The following ANXA4 variants were observed in gnomAD, a reference collection of about 807,000 sequenced individuals.
ANXA4 encodes the protein annexin A4, also known as 35-beta calcimedin.
Under a neutral mutation model 49.8 loss-of-function variants are expected in ANXA4, and 39 were observed. The observed-to-expected ratio is 0.78, with a 90% CI of 0.61 to 1.02. ANXA4 has a LOEUF of 1.02. ANXA4 is among the 50% of genes least tolerant of loss of function. ANXA4 has a pLI of 0.00. For missense variants in ANXA4, 360 were observed against 410.1 expected, an observed-to-expected ratio of 0.88 and a Z score of 1.05; for synonymous variants, 134 against 152.5, an observed-to-expected ratio of 0.88 and a Z score of 0.89.
At position 69,772,542 on chromosome 2, in the gene ANXA4, G is replaced by T. The variant is rs56203617; in HGVS notation, c.-46-8978G>T. On this transcript the variant is annotated intron_variant, in intron 1 of 12. Transcript: ENST00000394295. Reference sequence around the variant, plus strand: ...GAGAGGCTGTAGCAATTGTGTTTTGGGGGGTGCATTTCTTTCCTCTTTCTG... The same window carrying T: ...GAGAGGCTGTAGCAATTGTGTTTTGTGGGGTGCATTTCTTTCCTCTTTCTG... Among the ~76,000 whole-genome samples the T allele has an allele frequency of 6.7e-3, 1,024 of 151,794 alleles. 14 individuals are homozygous for T. Among genetic ancestry groups the T allele is most frequent in the African/African-American group, 0.024 (976 of 41,284 alleles).
At chr2:69,647,088 C>T (rs556878223) in intron 1 of ANXA4, among the ~76,000 whole-genome samples, 16 of 152,328 alleles carry the variant, frequency 1.1e-4, no homozygotes, top group Non-Finnish European at 1.8e-4. Context: ...TGCTGCCCCC[C>T]GCTTTGTGAA....
Position 69,820,789 on chromosome 2 carries a change from C to T in ANXA4, c.874C>T (p.Leu292Phe). 3 of 1,614,052 alleles carry T rather than the reference C, an allele frequency of 1.9e-6. No individual in the cohort carries two copies. The highest frequency in any genetic ancestry group is 2.5e-6 in the Non-Finnish European group (3 of 1,179,958). ...GGATATCCGGGCACACTTCAAGAGA[C>T]TCTATGGAAAGTCTCTGTACTCGTT... ...MLDIRAHFKRLYGKSLYSFIK... is the reference protein window; with the variant it reads ...MLDIRAHFKRFYGKSLYSFIK... The change falls in exon 12 of 13, where the codon CTC (leucine) becomes TTC (phenylalanine). Residue 292 changes from leucine (L) to phenylalanine (F), a missense_variant. Physicochemically the swap from Leu to Phe is conservative, Grantham distance 22. Coordinates refer to ENST00000394295, the MANE Select transcript of ANXA4 (RefSeq NM_001153.5).
At chr2:69,719,605 A>C (rs1185182868) in intron 2 of ANXA4, among the ~76,000 whole-genome samples, 1 of 151,024 alleles carries the variant, frequency 6.6e-6, no homozygotes, top group Non-Finnish European at 1.5e-5. Flanking sequence ...ACACCTGGCT[A>C]ATTTTTATAT....
intron 3 of ANXA4, among the ~76,000 whole-genome samples, chr2:69,723,881 C>T (rs1669887654): frequency 6.6e-6 from 1 of 152,120 alleles, no homozygotes; most frequent in East Asian, 1.9e-4. Context: ...AAAGACACTA[C>T]ATGAGAAGCT....
intron 1 of ANXA4, among the ~76,000 whole-genome samples, chr2:69,755,801 C>T (rs10187847): frequency 0.021 from 3,203 of 151,780 alleles, 55 homozygotes; most frequent in African/African-American, 0.041. Context: ...AATAGCCAGC[C>T]GTGATTTAAA....
chr2:69,664,978 C>T (rs1023221836), intron 2 of ANXA4, among the ~76,000 whole-genome samples: 1 of 152,160 alleles, frequency 6.6e-6, no homozygotes, highest in Non-Finnish European at 1.5e-5. Context: ...TGGTATGCAC[C>T]TGTAATCCCA....
At chr2:69,700,805 T>G (rs1678307091) in intron 2 of ANXA4, among the ~76,000 whole-genome samples, 1 of 152,228 alleles carries the variant, frequency 6.6e-6, no homozygotes, top group African/African-American at 2.4e-5. Flanking sequence ...GCATATTTTT[T>G]TGTGTGTAAC....
At chr2:69,694,005 C>T (rs771979090) in intron 2 of ANXA4, among the ~76,000 whole-genome samples, 10 of 152,052 alleles carry the variant, frequency 6.6e-5, no homozygotes, top group African/African-American at 1.9e-4. Flanking sequence ...AACCAGGTTA[C>T]GCATGGTTTA....
At chr2:69,819,797 G>C (rs997911382) in intron 11 of ANXA4, among the ~76,000 whole-genome samples, 12 of 152,156 alleles carry the variant, frequency 7.9e-5, no homozygotes, top group Non-Finnish European at 2.9e-5. Flanking sequence ...GCCAGGTGCG[G>C]TGGCTCACGC....
chr2:69,773,968 G>A (rs1007583350), intron 1 of ANXA4, among the ~76,000 whole-genome samples: 14 of 151,982 alleles, frequency 9.2e-5, no homozygotes, highest in African/African-American at 3.4e-4. Context: ...TAGTAGCTGG[G>A]ATTACAGGCA....
chr2:69,731,536 C>T (rs776068878), intron 3 of ANXA4, among the ~76,000 whole-genome samples: 1 of 152,164 alleles, frequency 6.6e-6, no homozygotes, highest in Non-Finnish European at 1.5e-5. Flanking sequence ...ACAAATGAGA[C>T]CATGTTGACC....
chr2:69,737,402 C>G (rs1670272563), upstream of ANXA4, among the ~76,000 whole-genome samples: 2 of 152,144 alleles, frequency 1.3e-5, 1 homozygote, highest in South Asian at 4.1e-4. Context: ...CCCTGTTTCC[C>G]AGATGTCCAA....
chr2:69,771,320 G>A (rs749389550), intron 1 of ANXA4, among the ~76,000 whole-genome samples: 7 of 152,128 alleles, frequency 4.6e-5, no homozygotes, highest in African/African-American at 9.7e-5. Context: ...CCGTAGGACA[G>A]GGCTTAGATG....
At chr2:69,807,885 G>T (rs1362926668) in intron 5 of ANXA4, 21 bp from the exon 6 acceptor site, 1 of 1,611,288 alleles carries the variant, frequency 6.2e-7, no homozygotes, top group African/African-American at 1.3e-5. Context: ...ATATAGCCCT[G>T]TCCTCTGGTT....
chr2:69,666,180 G>T (rs1400852867), intron 2 of ANXA4, among the ~76,000 whole-genome samples: 1 of 152,146 alleles, frequency 6.6e-6, no homozygotes, highest in Admixed American at 6.6e-5. Flanking sequence ...CTCCAGTGTG[G>T]GCTGAATAGG....
upstream of ANXA4, among the ~76,000 whole-genome samples, chr2:69,740,000 C>T (rs933605134): frequency 7.9e-5 from 12 of 152,062 alleles, no homozygotes; most frequent in African/African-American, 2.9e-4. Flanking sequence ...AGATTTATTC[C>T]TGGCCTTTTA....
At chr2:69,819,234 G>A in intron 10 of ANXA4, 46 bp from the exon 11 acceptor site, 2 of 1,383,262 alleles carry the variant, frequency 1.4e-6, no homozygotes, top group Non-Finnish European at 1.0e-6. Flanking sequence ...TTTTTCATGG[G>A]TCTTATCTGT....
intron 2 of ANXA4, among the ~76,000 whole-genome samples, chr2:69,703,484 A>T (rs546466993): frequency 6.6e-6 from 1 of 152,324 alleles, no homozygotes; most frequent in Admixed American, 6.5e-5. Context: ...TTCCCAAGAC[A>T]TTTCATAAAC....
chr2:69,816,288 G>A, intron 9 of ANXA4, 94 bp downstream of exon 9: 2 of 1,010,130 alleles, frequency 2.0e-6, no homozygotes, highest in South Asian at 1.4e-5. Context: ...TCCTTCAGTT[G>A]GTACAAAGAA....
Sources: gnomAD v4.1 joint callset for allele counts (sites outside exome capture counted in the v4.1 genomes callset) on GRCh38, gnomAD v4.1.1 for gene constraint, MANE v1.5 for transcripts, NCBI Gene and HGNC (gene_info 2026-07-23, HGNC 2026-07-21) for gene names.